The following SYNE1 variants were observed in gnomAD, a reference collection of about 807,000 sequenced individuals.
SYNE1 encodes spectrin repeat containing nuclear envelope protein 1, also known as nesprin-1.
In SYNE1, 616 loss-of-function variants were observed where a neutral mutation model predicts 1,111.0. The observed-to-expected ratio is 0.55, with a 90% CI of 0.52 to 0.59. The LOEUF (loss-of-function observed/expected upper bound fraction) is 0.59. Ranked by LOEUF, SYNE1 falls within the 20% of genes least tolerant of loss-of-function variation. The probability of loss-of-function intolerance (pLI) is 0.00; values close to 1 mark genes in which losing one functional copy is unlikely to be tolerated. For synonymous variants in SYNE1, 3,855 were observed against 3,825.8 expected (o/e 1.01, Z -0.28); for missense variants, 10,006 against 10,417.0 (o/e 0.96, Z 1.72).
At chr6:152,439,765 G>C (rs1211686240) in intron 32 of SYNE1, among the ~76,000 whole-genome samples, 1 of 152,068 alleles carries the variant, frequency 6.6e-6, no homozygotes, top group Admixed American at 6.6e-5. Context: ...TTCTTTCTAA[G>C]ACACCGGTTA....
chr6:152,179,918 C>T (rs1309049252), intron 129 of SYNE1, among the ~76,000 whole-genome samples: 4 of 151,770 alleles, frequency 2.6e-5, no homozygotes, highest in Non-Finnish European at 5.9e-5. Context: ...CTCCTGACCT[C>T]ATGATCTGCC....
At chr6:152,363,780 G>A (rs1285089988) in intron 63 of SYNE1, 1 of 455,488 alleles carries the variant, frequency 2.2e-6, no homozygotes, top group Non-Finnish European at 4.4e-6. Context: ...TCACCCTGAG[G>A]GGCAGCCCTC....
At chr6:152,365,142 G>A (rs1321946136) in intron 62 of SYNE1, 123 bp from the exon 63 acceptor site, 1 of 1,252,956 alleles carries the variant, frequency 8.0e-7, no homozygotes, top group Non-Finnish European at 1.1e-6. Flanking sequence ...GGAGCTCCCA[G>A]TCGGCTGAGA....
chr6:152,423,498 C>G (rs2154192259), intron 39 of SYNE1, among the ~76,000 whole-genome samples: 1 of 152,338 alleles, frequency 6.6e-6, no homozygotes, highest in East Asian at 1.9e-4. Context: ...ATTTGCACTG[C>G]TCTCATCCTG....
intron 136 of SYNE1, among the ~76,000 whole-genome samples, chr6:152,149,030 C>T (rs1251777029): frequency 6.6e-6 from 1 of 152,132 alleles, no homozygotes; most frequent in African/African-American, 2.4e-5. Context: ...CTAAACCTAA[C>T]CTCATCAATT....
intron 100 of SYNE1, among the ~76,000 whole-genome samples, chr6:152,264,376 T>C (rs987249957): frequency 6.6e-6 from 1 of 151,390 alleles, no homozygotes; most frequent in Non-Finnish European, 1.5e-5. Context: ...TTTGCTCAAG[T>C]GAAAAAAAAA....
At position 152,164,342 on chromosome 6, in the gene SYNE1, G is replaced by C. The variant is rs966518815; in HGVS notation, c.23628-17C>G. ...TTCTTCACCCTGTGGGCAGAGAAGGGGGAATGTCCCACTTCAGCGAGAGGC... is the reference window on the plus strand; with the variant it reads ...TTCTTCACCCTGTGGGCAGAGAAGGCGGAATGTCCCACTTCAGCGAGAGGC... On this transcript the variant is annotated splice_polypyrimidine_tract_variant and intron_variant, in intron 130 of 145. Transcript: ENST00000367255. 6 of 1,613,784 alleles carry C rather than the reference G, an allele frequency of 3.7e-6. No homozygotes were observed. In the African/African-American group the frequency reaches 4.0e-5, roughly 11 times the overall value.
chr6:152,470,107 GA>G (rs2098797090), intron 16 of SYNE1, among the ~76,000 whole-genome samples: 1 of 152,200 alleles, frequency 6.6e-6, no homozygotes, highest in African/African-American at 2.4e-5. Flanking sequence ...GAATAGTTAT[GA>G]AAGTTACAAG....
chr6:152,384,723 AC>A (rs2097494749), intron 55 of SYNE1, among the ~76,000 whole-genome samples: 2 of 152,050 alleles, frequency 1.3e-5, no homozygotes, highest in Non-Finnish European at 2.9e-5. Context: ...TAAAATAAAT[AC>A]AAAAGTTAGC....
intron 6 of SYNE1, among the ~76,000 whole-genome samples, chr6:152,516,676 T>A (rs1410523575): frequency 6.6e-6 from 1 of 152,136 alleles, no homozygotes; most frequent in Non-Finnish European, 1.5e-5. Context: ...CCTCCCAGGC[T>A]CAAGAGATCC....
At chr6:152,179,504 A>AC (rs1257244209) in intron 129 of SYNE1, 4 of 150,970 alleles carry the variant, frequency 2.6e-5, no homozygotes, top group African/African-American at 9.7e-5. Context: ...ACAAAAAAAA[A>AC]AGGAAAGAAA....
chr6:152,197,848 T>C (rs1405659031), intron 127 of SYNE1, among the ~76,000 whole-genome samples: 1 of 152,202 alleles, frequency 6.6e-6, no homozygotes, highest in Non-Finnish European at 1.5e-5. Context: ...ACCAGCTCCA[T>C]TTGCCCCTAA....
intron 112 of SYNE1, 127 bp downstream of exon 112, chr6:152,233,654 G>A (rs768164882): frequency 1.7e-6 from 2 of 1,169,172 alleles, no homozygotes; most frequent in Non-Finnish European, 2.5e-6. Flanking sequence ...AATACAACGG[G>A]AGAGAGAAGA....
At chr6:152,167,906 C>T in intron 130 of SYNE1, 1 of 759,600 alleles carries the variant, frequency 1.3e-6, no homozygotes. Context: ...ACCTTTTTGT[C>T]CAGCTCTGCA....
chr6:152,510,506 G>C, intron 7 of SYNE1, 135 bp from the exon 8 acceptor site: 3 of 979,062 alleles, frequency 3.1e-6, no homozygotes, highest in Non-Finnish European at 4.7e-6. Context: ...AGCTCTTAAA[G>C]GGCATGATTG....
chr6:152,431,528 T>C (rs1193587852), intron 34 of SYNE1, among the ~76,000 whole-genome samples: 1 of 152,228 alleles, frequency 6.6e-6, no homozygotes, highest in East Asian at 1.9e-4. Flanking sequence ...TATGTGTGTC[T>C]GTGGAGTGTC....
At chr6:152,242,181 G>A in intron 107 of SYNE1, 59 bp downstream of exon 107, 1 of 1,399,412 alleles carries the variant, frequency 7.1e-7, no homozygotes, top group Non-Finnish European at 1.0e-6. Flanking sequence ...TATATATCAG[G>A]GTTTGAGAGC....
chr6:152,609,465 T>C (rs2099625205), intron 3 of SYNE1, among the ~76,000 whole-genome samples: 3 of 152,096 alleles, frequency 2.0e-5, no homozygotes, highest in Admixed American at 1.3e-4. Flanking sequence ...ACAAAGTGAC[T>C]GGGAAGTTCA....
rs2098107332 is a variant in SYNE1 at position 152,413,679 on chromosome 6, T to A, written c.6051-148A>T. 3 of 827,338 alleles carry A rather than the reference T, an allele frequency of 3.6e-6. No individual in the cohort carries two copies. In the South Asian group the frequency reaches 5.1e-5, roughly 14 times the overall value. The allele number at this position is 827,338 out of a possible 1,614,324, so 51.2% of individuals were successfully genotyped here. On this transcript the variant is annotated intron_variant, in intron 41 of 145. Coordinates refer to ENST00000367255, the MANE Select transcript of SYNE1 (RefSeq NM_182961.4). ...CAGAAATTAAATTAATGTTTATCAA[T>A]GGAAAAAGTACTTTTAAAGTTAATT...
Sources: allele counts gnomAD v4.1 joint callset (sites outside exome capture counted in the v4.1 genomes callset), GRCh38; gene constraint gnomAD v4.1.1; transcripts MANE v1.5; gene names NCBI Gene and HGNC (gene_info 2026-07-23, HGNC 2026-07-21).